CACHD1: variants seen among roughly 807,000 people sequenced by gnomAD.
CACHD1 encodes VWFA and cache domain-containing protein 1.
CACHD1 carries 71 observed loss-of-function variants against 138.7 expected under a neutral mutation model. The observed-to-expected ratio is 0.51, with a 90% CI of 0.42 to 0.62. The LOEUF (loss-of-function observed/expected upper bound fraction) is 0.62, where lower values mean the gene tolerates loss of function less well. Ranked by LOEUF, CACHD1 falls within the 20% of genes least tolerant of loss-of-function variation. The pLI is 0.00. For missense variants in CACHD1, 1,389 were observed against 1,625.3 expected (o/e 0.85, Z 2.50); for synonymous variants, 578 against 591.5 (o/e 0.98, Z 0.33).
chr1:64,514,565 CAGCTG>C (rs553104315), intron 1 of CACHD1, among the ~76,000 whole-genome samples: 210 of 152,294 alleles, frequency 1.4e-3, no homozygotes, highest in African/African-American at 4.9e-3. Context: ...CAGTTGTAGG[CAGCTG>C]AGCTAGATGC....
intron 4 of CACHD1, among the ~76,000 whole-genome samples, chr1:64,607,491 C>G (rs562654750): frequency 6.6e-6 from 1 of 152,106 alleles, no homozygotes; most frequent in Non-Finnish European, 1.5e-5. Flanking sequence ...GAAATAAGGA[C>G]TTGAACTCCT....
intron 10 of CACHD1, among the ~76,000 whole-genome samples, chr1:64,652,613 A>G (rs564687667): frequency 6.6e-6 from 1 of 152,332 alleles, no homozygotes; most frequent in East Asian, 1.9e-4. Flanking sequence ...CTAAAGAAGA[A>G]ATAATGCAGC....
At chr1:64,479,668 C>G (rs763372904) in intron 1 of CACHD1, among the ~76,000 whole-genome samples, 3 of 152,144 alleles carry the variant, frequency 2.0e-5, no homozygotes, top group Non-Finnish European at 2.9e-5. Flanking sequence ...AAGGAAGCTA[C>G]CACCCTATGC....
At chr1:64,658,233 C>T (rs987546189) in intron 12 of CACHD1, among the ~76,000 whole-genome samples, 2 of 152,234 alleles carry the variant, frequency 1.3e-5, no homozygotes, top group Admixed American at 1.3e-4. Flanking sequence ...TCTGTATTGG[C>T]TGCTCCTCAG....
At chr1:64,471,759 T>C (rs183468460) in intron 1 of CACHD1, among the ~76,000 whole-genome samples, 74 of 152,306 alleles carry the variant, frequency 4.9e-4, no homozygotes, top group Admixed American at 1.2e-3. Flanking sequence ...CCAGATTGTT[T>C]ATCATGTCCG....
intron 3 of CACHD1, among the ~76,000 whole-genome samples, chr1:64,587,218 G>A (rs761396050): frequency 4.6e-5 from 7 of 152,138 alleles, no homozygotes; most frequent in Non-Finnish European, 1.0e-4. Context: ...GTTAGAACTA[G>A]ACAATGTTTT....
At chr1:64,690,930 ATTATCT>A (rs770459126) in intron 26 of CACHD1, among the ~76,000 whole-genome samples, 5 of 152,190 alleles carry the variant, frequency 3.3e-5, no homozygotes, top group Non-Finnish European at 7.3e-5. Flanking sequence ...AATAAAAAAG[ATTATCT>A]TTATCATAGG....
chr1:64,587,364 AGTTCTGAAGAGAGAG>A (rs1647058317), intron 3 of CACHD1, among the ~76,000 whole-genome samples: 1 of 152,204 alleles, frequency 6.6e-6, no homozygotes, highest in Non-Finnish European at 1.5e-5. Context: ...TAAAATGCCT[AGTTCTGAAGAGAGAG>A]GAGCTTTAAA....
intron 2 of CACHD1, chr1:64,563,943 A>T (rs1216052046): frequency 2.0e-5 from 3 of 152,218 alleles, no homozygotes; most frequent in Non-Finnish European, 4.4e-5. Flanking sequence ...GTAGGCATTC[A>T]GTATTTTGTG....
chr1:64,490,802 T>C (rs1166931886), intron 1 of CACHD1, among the ~76,000 whole-genome samples: 2 of 152,238 alleles, frequency 1.3e-5, no homozygotes, highest in East Asian at 3.9e-4. Context: ...CAAGAATTTA[T>C]ATAAAAGTAC....
intron 1 of CACHD1, among the ~76,000 whole-genome samples, chr1:64,484,047 C>T (rs991418460): frequency 2.0e-5 from 3 of 152,082 alleles, no homozygotes; most frequent in African/African-American, 7.2e-5. Context: ...TTTTAGTGTT[C>T]GTCATGCCCC....
intron 1 of CACHD1, among the ~76,000 whole-genome samples, chr1:64,484,318 TA>T (rs1486014737): frequency 2.0e-5 from 3 of 151,796 alleles, no homozygotes; most frequent in South Asian, 2.1e-4. Context: ...GGGAGCGGTT[TA>T]GGGGGTCTAG....
chr1:64,672,443 T>C (rs554128514), intron 17 of CACHD1, among the ~76,000 whole-genome samples: 3 of 152,302 alleles, frequency 2.0e-5, no homozygotes, highest in Admixed American at 6.5e-5. Flanking sequence ...CATAATACAA[T>C]AAGATATTTT....
intron 5 of CACHD1, 85 bp from the exon 6 acceptor site, chr1:64,632,514 A>G: frequency 2.9e-6 from 4 of 1,397,352 alleles, no homozygotes; most frequent in Non-Finnish European, 4.0e-6. Context: ...CAACATGCCC[A>G]TGCACTGTAG....
intron 1 of CACHD1, among the ~76,000 whole-genome samples, chr1:64,546,926 C>A (rs919474457): frequency 6.6e-6 from 1 of 151,418 alleles, no homozygotes; most frequent in African/African-American, 2.4e-5. Context: ...GAAAAAAACC[C>A]CCAAATGCTC....
chr1:64,521,822 A>T (rs1263090176), intron 1 of CACHD1, among the ~76,000 whole-genome samples: 2 of 152,200 alleles, frequency 1.3e-5, no homozygotes, highest in African/African-American at 4.8e-5. Flanking sequence ...TTTTTAAATT[A>T]TCTTTTTATT....
chr1:64,632,690 A>T lies in CACHD1; in HGVS notation c.736A>T (p.Ile246Phe). The change falls in exon 6 of 27, where the codon ATT becomes TTT. Residue 246 changes from isoleucine (I) to phenylalanine (F), a missense_variant. By Grantham distance (21) the Ile-to-Phe change is conservative. Around this residue, in one of 5 missense-constraint regions of CACHD1, gnomAD observed 1,000 missense variants for 1,114.7 expected, o/e 0.90. Coordinates refer to ENST00000651257, the MANE Select transcript of CACHD1 (RefSeq NM_020925.4). The part of the protein sequence containing the change: ...GASVTDTQLQ[I>F]AKDAAQVILS... Reference sequence around the variant, plus strand: ...TTCAGTCACAGACACTCAGCTTCAGATTGCCAAGGACGCTGCTCAGGTCAT... The same window carrying T: ...TTCAGTCACAGACACTCAGCTTCAGTTTGCCAAGGACGCTGCTCAGGTCAT... 1 of 1,614,162 alleles carries T rather than the reference A, an allele frequency of 6.2e-7. No individual in the cohort carries two copies. The highest frequency in any genetic ancestry group is 8.5e-7 in the Non-Finnish European group (1 of 1,180,002).
At chr1:64,553,410 T>G (rs1398420010) in intron 2 of CACHD1, among the ~76,000 whole-genome samples, 2 of 152,192 alleles carry the variant, frequency 1.3e-5, no homozygotes, top group African/African-American at 2.4e-5. Context: ...ATGTTTCCTA[T>G]TCTGTAAAAT....
At chr1:64,582,922 T>C (rs1647023759) in intron 3 of CACHD1, among the ~76,000 whole-genome samples, 1 of 152,198 alleles carries the variant, frequency 6.6e-6, no homozygotes, top group Non-Finnish European at 1.5e-5. Flanking sequence ...TTTAATTAGC[T>C]GTGTGTCCTT....
Sources: allele counts gnomAD v4.1 joint callset (sites outside exome capture counted in the v4.1 genomes callset), GRCh38; gene constraint gnomAD v4.1.1; regional missense constraint gnomAD v4.1.1; transcripts MANE v1.5; gene names NCBI Gene and HGNC (gene_info 2026-07-23, HGNC 2026-07-21).